The following CD48 variants were observed in gnomAD, a reference collection of about 807,000 sequenced individuals.
CD48 encodes CD48 antigen.
Under a neutral mutation model 22.0 loss-of-function variants are expected in CD48, and 20 were observed. That is an observed-to-expected ratio of 0.91 (90% confidence interval 0.64 to 1.32). CD48 has a LOEUF of 1.32. CD48 is among the 40% of genes most tolerant of loss of function. CD48 has a pLI of 0.00. For missense variants in CD48, 307 were observed against 286.5 expected, an observed-to-expected ratio of 1.07 and a Z score of -0.52; for synonymous variants, 110 against 110.1, an observed-to-expected ratio of 1.00 and a Z score of 0.01.
At chr1:160,694,586 T>C (rs1662342179) in intron 1 of CD48, among the ~76,000 whole-genome samples, 2 of 152,070 alleles carry the variant, frequency 1.3e-5, no homozygotes, top group African/African-American at 2.4e-5. Flanking sequence ...GTTACAACAA[T>C]GGGGTGCGGA....
At chr1:160,705,438 A>G (rs1662758285) in intron 1 of CD48, among the ~76,000 whole-genome samples, 1 of 152,142 alleles carries the variant, frequency 6.6e-6, no homozygotes. Flanking sequence ...CCCAACAAAA[A>G]CAGAAATGTG....
intron 1 of CD48, among the ~76,000 whole-genome samples, 162 bp downstream of exon 1, chr1:160,711,520 G>A (rs959195788): frequency 3.9e-5 from 6 of 152,166 alleles, no homozygotes; most frequent in Non-Finnish European, 8.8e-5. Flanking sequence ...TCAGTGCTAA[G>A]AAAGGCTCCC....
At chr1:160,698,979 G>C in intron 1 of CD48, 1 of 152,724 alleles carries the variant, frequency 6.5e-6, no homozygotes, top group Non-Finnish European at 1.5e-5. Flanking sequence ...CAACAGCTCC[G>C]AAGAGACAGT....
intron 3 of CD48, among the ~76,000 whole-genome samples, chr1:160,680,120 C>T (rs533866103): frequency 4.6e-5 from 7 of 152,306 alleles, no homozygotes; most frequent in South Asian, 4.1e-4. Flanking sequence ...AAAACAGCAA[C>T]GTTCTCAGAG....
At chr1:160,708,931 T>A (rs352680) in intron 1 of CD48, among the ~76,000 whole-genome samples, 7 of 151,890 alleles carry the variant, frequency 4.6e-5, no homozygotes, top group African/African-American at 1.7e-4. Context: ...GGGAGGCTTC[T>A]GCTGAGTGGC....
chr1:160,704,918 TC>T (rs1662747098), intron 1 of CD48, among the ~76,000 whole-genome samples: 1 of 152,130 alleles, frequency 6.6e-6, no homozygotes, highest in Admixed American at 6.5e-5. Context: ...GGTCCATTGG[TC>T]CTTTTTGTGG....
At chr1:160,700,470 A>G (rs1662591659) in intron 1 of CD48, among the ~76,000 whole-genome samples, 1 of 152,182 alleles carries the variant, frequency 6.6e-6, no homozygotes, top group African/African-American at 2.4e-5. Context: ...AGACAGAATA[A>G]GGAAGAAAAC....
chr1:160,687,228 A>G (rs551786071), intron 1 of CD48, among the ~76,000 whole-genome samples: 10 of 152,242 alleles, frequency 6.6e-5, no homozygotes, highest in Non-Finnish European at 1.3e-4. Flanking sequence ...TCAGAGTTTA[A>G]GGTTATCTCT....
chr1:160,709,017 G>A (rs1385942358), intron 1 of CD48, among the ~76,000 whole-genome samples: 3 of 152,138 alleles, frequency 2.0e-5, no homozygotes, highest in Non-Finnish European at 4.4e-5. Context: ...CATGACTCTA[G>A]GCCACACCAT....
rs1980606 is a variant in CD48 at position 160,684,996 on chromosome 1, G to A, written c.276C>T (p.Gly92=). 0.22 allele frequency: 348,646 copies of A among 1,613,592 alleles called. 38,686 individuals carry two copies. The highest frequency in any genetic ancestry group is 0.3 in the African/African-American group (22,623 of 74,918). ...KGRVRLDPQS[G]ALYISKVQKE... ...TCTGGACCTTAGAGATGTACAGTGC[G>A]CCACTCTGAGGATCAAGTCTGACCC... Residue 92 remains glycine, a synonymous_variant, in exon 2 of 4, where the codon GGC becomes GGT. Transcript: ENST00000368046.
rs757669933 is a variant in CD48, at chr1:160,681,431, T to C, written c.423A>G (p.Ile141Met). 6.2e-7 allele frequency: 1 copy of C among 1,614,122 alleles called. No individual in the cohort carries two copies. Among genetic ancestry groups the C allele is most frequent in the South Asian group, 1.1e-5 (1 of 91,078 alleles). The change falls in exon 3 of 4, where the codon ATA becomes ATG. Residue 141 changes from isoleucine (I) to methionine (M), a missense_variant. Ile to Met is a conservative substitution (Grantham distance 10, BLOSUM62 1). Coordinates refer to ENST00000368046, the MANE Select transcript of CD48 (RefSeq NM_001778.4). ...VPKPVIKIEKIEDMDDNCYLK... is the reference protein window; with the variant it reads ...VPKPVIKIEKMEDMDDNCYLK... ...GATAACAGTTGTCATCCATGTCTTC[T>C]ATCTTCTCAATTTTGATGACAGGCT...
At chr1:160,680,903 C>A in intron 3 of CD48, 2 of 1,415,184 alleles carry the variant, frequency 1.4e-6, no homozygotes, top group Non-Finnish European at 1.8e-6. Flanking sequence ...CTATGATGAC[C>A]CTGGCCTCAG....
At chr1:160,693,022 AAGAAATAGGGCTGCCAATCCTCC>A (rs1290747908) in intron 1 of CD48, among the ~76,000 whole-genome samples, 1 of 152,288 alleles carries the variant, frequency 6.6e-6, no homozygotes, top group Non-Finnish European at 1.5e-5. Flanking sequence ...AACAGGTCCG[AAGAAATAGGGCTGCCAATCCTCC>A]AGTTAACATA....
chr1:160,685,286 A>G, intron 1 of CD48, 97 bp from the exon 2 acceptor site: 1 of 872,412 alleles, frequency 1.1e-6, no homozygotes, highest in South Asian at 1.7e-5. Flanking sequence ...GTGAGAAGGA[A>G]GGGATTTCTG....
At position 160,684,985 on chromosome 1, in the gene CD48, A is replaced by T. The variant is rs776109624; in HGVS notation, c.287T>A (p.Ile96Asn). ...GTTGTCCTCTTTCTGGACCTTAGAGATGTACAGTGCGCCACTCTGAGGATC... is the reference window on the plus strand; with the variant it reads ...GTTGTCCTCTTTCTGGACCTTAGAGTTGTACAGTGCGCCACTCTGAGGATC... Reference protein sequence around the residue: ...RLDPQSGALYISKVQKEDNST... With the variant: ...RLDPQSGALYNSKVQKEDNST... Residue 96 changes from isoleucine to asparagine, a missense_variant, in exon 2 of 4, where the codon ATC becomes AAC. Coordinates refer to ENST00000368046, the MANE Select transcript of CD48 (RefSeq NM_001778.4). 6.2e-7 allele frequency: 1 copy of T among 1,614,074 alleles called. No homozygotes were observed. The highest frequency in any genetic ancestry group is 8.5e-7 in the Non-Finnish European group (1 of 1,180,004).
At chr1:160,693,358 C>T (rs1662297449) in intron 1 of CD48, among the ~76,000 whole-genome samples, 4 of 152,216 alleles carry the variant, frequency 2.6e-5, no homozygotes, top group Non-Finnish European at 5.9e-5. Context: ...GTCAATCAGC[C>T]ATTAAGCCAT....
intron 1 of CD48, among the ~76,000 whole-genome samples, chr1:160,702,449 G>T (rs1268997862): frequency 6.6e-6 from 1 of 152,098 alleles, no homozygotes; most frequent in Non-Finnish European, 1.5e-5. Flanking sequence ...CCTATTTGAT[G>T]TCGGGTCCAT....
intron 2 of CD48, among the ~76,000 whole-genome samples, chr1:160,682,178 C>A (rs1353620370): frequency 1.3e-5 from 2 of 151,778 alleles, no homozygotes; most frequent in African/African-American, 4.8e-5. Context: ...CCGGGTGCAG[C>A]GGCTCACACC....
chr1:160,680,395 C>T, intron 3 of CD48: 1 of 181,682 alleles, frequency 5.5e-6, no homozygotes, highest in East Asian at 1.9e-4. Context: ...AGTTACGTGT[C>T]TTGTCTCATT....
Sources: allele counts gnomAD v4.1 joint callset (sites outside exome capture counted in the v4.1 genomes callset), GRCh38; gene constraint gnomAD v4.1.1; transcripts MANE v1.5; gene names NCBI Gene and HGNC (gene_info 2026-07-23, HGNC 2026-07-21).